Variants in PRR29 observed in about 807,000 individuals in gnomAD.
PRR29 encodes proline rich 29, also known as proline-rich protein 29.
A neutral mutation model predicts 25.1 loss-of-function variants in PRR29; 20 were observed. The observed-to-expected ratio is 0.80, with a 90% confidence interval of 0.56 to 1.16. The LOEUF is 1.16. PRR29 is among the 50% of genes most tolerant of loss of function. The pLI is 0.00. For missense variants in PRR29, 238 were observed against 246.6 expected, an observed-to-expected ratio of 0.97 and a Z score of 0.23; for synonymous variants, 108 against 102.6, an observed-to-expected ratio of 1.05 and a Z score of -0.32.
chr17:64,000,625 C>A (rs973627721), intron 3 of PRR29, among the ~76,000 whole-genome samples: 2 of 150,766 alleles, frequency 1.3e-5, no homozygotes, highest in Non-Finnish European at 3.0e-5. Flanking sequence ...CACCGCGCCC[C>A]GCCTACACAA....
intron 3 of PRR29, 135 bp downstream of exon 3, chr17:63,999,209 T>C (rs1910388996): frequency 1.4e-6 from 1 of 697,428 alleles, no homozygotes; most frequent in Non-Finnish European, 2.4e-6. Context: ...TGGCTGGGGC[T>C]GTTTGGCATC....
rs137961364 is a variant in PRR29, at chr17:64,003,786, C to G, written c.*2025C>G. ...TGCTGTTGAATGTGGCTGTGGCCTC[C>G]TGCGGAGCAGGGGCTGCCTTCCCGA... On this transcript the variant is annotated 3_prime_UTR_variant, in exon 6 of 6. Coordinates refer to ENST00000412177, the MANE Select transcript of PRR29 (RefSeq NM_001164257.2). The G allele has an allele frequency of 1.2e-5, 19 of 1,614,136 alleles. No homozygotes were observed. The African/African-American group carries it at 2.5e-4, about 22-fold the overall frequency.
Position 63,998,631 on chromosome 17 carries a change from C to CG in PRR29, c.61-69dup, listed in dbSNP as rs200234270. 228 of 1,009,750 alleles carry CG rather than the reference C, an allele frequency of 2.3e-4. 1 individual carries two copies. In the East Asian group the frequency reaches 2.6e-3, roughly 12 times the overall value. The allele number at this position is 1,009,750 out of a possible 1,614,324, so 62.5% of individuals were successfully genotyped here. On this transcript the variant is annotated intron_variant, in intron 1 of 5. Transcript: ENST00000412177. Reference sequence around the variant, plus strand: ...CTGCGGGGTTAGGGAGGCCACTGGCCGGGGGGGTTGGGGCTCGCGACGTGT... The same window carrying CG: ...CTGCGGGGTTAGGGAGGCCACTGGCCGGGGGGGGTTGGGGCTCGCGACGTGT...
At position 63,998,396 on chromosome 17, in the gene PRR29, G is replaced by A; in HGVS notation, c.32G>A (p.Arg11His). The change falls in exon 1 of 6, where the codon CGC becomes CAC. Residue 11 changes from arginine (R) to histidine (H), a missense_variant. Arg to His is a conservative substitution (Grantham distance 29). Transcript: ENST00000412177. ...TCTGGGGCGGGCGGAAGCTGGGGTCGCTCCCCACCGCAGAGCGCAGTCCCG... is the reference window on the plus strand; with the variant it reads ...TCTGGGGCGGGCGGAAGCTGGGGTCACTCCCCACCGCAGAGCGCAGTCCCG... MASGAGGSWG[R>H]SPPQSAVPTP... 1 of 1,515,880 alleles carries A rather than the reference G, an allele frequency of 6.6e-7. No individual in the cohort carries two copies. The highest frequency in any genetic ancestry group is 1.4e-5 in the African/African-American group (1 of 72,504). The allele number at this position is 1,515,880 out of a possible 1,614,324, so 93.9% of individuals were successfully genotyped here. A position where few individuals can be genotyped will look rare whatever the true frequency, so the allele number is the denominator to read the frequency against.
At chr17:63,999,315 G>A in intron 3 of PRR29, 1 of 568,794 alleles carries the variant, frequency 1.8e-6, no homozygotes, top group Non-Finnish European at 3.1e-6. Flanking sequence ...TTTCCCTGTA[G>A]TGCCTCCCCC....
chr17:63,999,865 C>A (rs1013838049), intron 3 of PRR29: 10 of 140,498 alleles, frequency 7.1e-5, no homozygotes, highest in African/African-American at 2.5e-4. Context: ...CAAGTGTGTG[C>A]GTGCAAGCAA....
chr17:64,001,141 C>G lies in PRR29; in HGVS notation c.301C>G (p.Arg101Gly), dbSNP rs568488903. The part of the protein sequence containing the change: ...PEEEEEEMDV[R>G]EKGPLVFHHH... ...GGAGGAGGAGGAGGAGATGGACGTG[C>G]GGGAGAAAGGGCCTTTGGTGTTTCA... Residue 101 changes from arginine to glycine, a missense_variant, in exon 4 of 6, where the codon CGG (arginine) becomes GGG (glycine). By Grantham distance (125) the Arg-to-Gly change is moderately radical (BLOSUM62 -2). Transcript: ENST00000412177. The G allele has an allele frequency of 3.3e-6, 5 of 1,537,486 alleles. No homozygotes were observed. The highest frequency in any genetic ancestry group is 4.4e-6 in the Non-Finnish European group (5 of 1,146,984).
At position 64,003,659 on chromosome 17, in the gene PRR29, T is replaced by A. The variant is rs1276242431; in HGVS notation, c.*1898T>A. 10 of 1,613,426 alleles carry A rather than the reference T, an allele frequency of 6.2e-6. No individual in the cohort carries two copies. The highest frequency in any genetic ancestry group is 1.3e-5 in the African/African-American group (1 of 74,912). The stretch of plus-strand genomic sequence containing the variant: ...CCCCCCTCACCATAGATCTCCAACA[T>A]CTTCGGGGCTGAGTGTTTGTGAAAG... On this transcript the variant is annotated 3_prime_UTR_variant, in exon 6 of 6. Coordinates refer to ENST00000412177, the MANE Select transcript of PRR29 (RefSeq NM_001164257.2).
chr17:64,000,193 C>T (rs1184892906), intron 3 of PRR29, among the ~76,000 whole-genome samples: 1 of 152,208 alleles, frequency 6.6e-6, no homozygotes, highest in Non-Finnish European at 1.5e-5. Context: ...GGCCCCAGCT[C>T]TGGGGGTCAC....
In PRR29 at chr17:63,998,967, G is replaced by C; in HGVS notation, c.137-1G>C. 1 of 1,536,276 alleles carries C rather than the reference G, an allele frequency of 6.5e-7. No homozygotes were observed. ...TGGGCTTGCTGAACCCCGCTTCCTA[G>C]ACCTGCTGGAACTGATGATGCTGCA... On this transcript the variant is annotated splice_acceptor_variant, in intron 2 of 5. Transcript: ENST00000412177. LOFTEE classifies it high-confidence loss of function.
At position 64,001,812 on chromosome 17, in the gene PRR29, C is replaced by G; in HGVS notation, c.*51C>G. 1 of 1,537,124 alleles carries G rather than the reference C, an allele frequency of 6.5e-7. No homozygotes were observed. Among genetic ancestry groups the G allele is most frequent in the East Asian group, 2.4e-5 (1 of 40,902 alleles). ...CACCAGCTTCCTGCTCTGGATACAG[C>G]CCCGGAGCCGCCTCCTGCACCTCTC... On this transcript the variant is annotated 3_prime_UTR_variant, in exon 6 of 6. Transcript: ENST00000412177.
At position 64,002,072 on chromosome 17, in the gene PRR29, GC is replaced by G; in HGVS notation, c.*316del. The G allele has an allele frequency of 7.4e-7, 1 of 1,349,902 alleles. No homozygotes were observed. Among genetic ancestry groups the G allele is most frequent in the Non-Finnish European group, 1.0e-6 (1 of 996,118 alleles). 83.6% of individuals were successfully genotyped at this position (1,349,902 alleles called of 1,614,324 possible). A position where few individuals can be genotyped will look rare whatever the true frequency, so the allele number is the denominator to read the frequency against. ...GAGCAGGGGGAGGCCTGGGAACAGA[GC>G]CCCCACCCTCTCTCCCTCACCCCTC... is the stretch of plus-strand genomic sequence containing the variant. On this transcript the variant is annotated 3_prime_UTR_variant, in exon 6 of 6. Coordinates refer to ENST00000412177, the MANE Select transcript of PRR29 (RefSeq NM_001164257.2).
Position 64,003,777 on chromosome 17 carries a change from T to C in PRR29, c.*2016T>C, listed in dbSNP as rs554416826. 7.4e-6 allele frequency: 12 copies of C among 1,614,244 alleles called. No individual in the cohort carries two copies. In the South Asian group the frequency reaches 9.9e-5, roughly 13 times the overall value. On this transcript the variant is annotated 3_prime_UTR_variant, in exon 6 of 6. Coordinates refer to ENST00000412177, the MANE Select transcript of PRR29 (RefSeq NM_001164257.2). ...TGTCAGCCGTGCTGTTGAATGTGGCTGTGGCCTCCTGCGGAGCAGGGGCTG... is the reference window on the plus strand; with the variant it reads ...TGTCAGCCGTGCTGTTGAATGTGGCCGTGGCCTCCTGCGGAGCAGGGGCTG...
In PRR29 at chr17:64,001,740, T is replaced by C; in HGVS notation, c.549T>C (p.Tyr183=). ...AGGTTCTTGTTTCCCCAGACTACTA[T>C]GATGCCGAGAGCCTCCTATGAGGAC... ...GADVPPASDY[Y]DAESLL Residue 183 remains tyrosine, a synonymous_variant, in exon 6 of 6, where the codon TAT becomes TAC. Transcript: ENST00000412177. 1 of 1,537,030 alleles carries C rather than the reference T, an allele frequency of 6.5e-7. No individual in the cohort carries two copies. The highest frequency in any genetic ancestry group is 8.7e-7 in the Non-Finnish European group (1 of 1,146,824).
intron 1 of PRR29, 49 bp from the exon 2 acceptor site, chr17:63,998,658 C>A (rs748486951): frequency 1.2e-5 from 13 of 1,098,930 alleles, no homozygotes; most frequent in Non-Finnish European, 1.3e-6. Context: ...GCGACGTGTC[C>A]CCATCCATTC....
intron 2 of PRR29, 33 bp from the exon 3 acceptor site, chr17:63,998,935 C>G (rs1910350333): frequency 6.5e-7 from 1 of 1,528,670 alleles, no homozygotes; most frequent in African/African-American, 1.4e-5. Flanking sequence ...GACTCGGAGG[C>G]CCGGCGTGGG....
chr17:64,001,512 G>C lies in PRR29; in HGVS notation c.516G>C (p.Val172=). 1 of 1,516,442 alleles carries C rather than the reference G, an allele frequency of 6.6e-7. No individual in the cohort carries two copies. The highest frequency in any genetic ancestry group is 8.8e-7 in the Non-Finnish European group (1 of 1,137,892). 93.9% of individuals were successfully genotyped at this position (1,516,442 alleles called of 1,614,324 possible). A position where few individuals can be genotyped will look rare whatever the true frequency, so the allele number is the denominator to read the frequency against. The change falls in exon 5 of 6, where the codon GTG becomes GTC. Residue 172 remains valine, a synonymous_variant. Coordinates refer to ENST00000412177, the MANE Select transcript of PRR29 (RefSeq NM_001164257.2). ...PPPPPSATGT[V]GADVPPASDY... ...CACCCCCCAGTGCCACAGGGACTGT[G>C]GGTGCTGATGTACCCCCGGCTTCAG...
Position 63,998,689 on chromosome 17 carries a change from C to T in PRR29, c.61-18C>T, listed in dbSNP as rs1210203325. On this transcript the variant is annotated intron_variant, in intron 1 of 5. Coordinates refer to ENST00000412177, the MANE Select transcript of PRR29 (RefSeq NM_001164257.2). The stretch of plus-strand genomic sequence containing the variant: ...CATTCCCCCCACCCCACCTGGCTGA[C>T]TCCGCGCACACCCCCAGCCCTGGGT... 4 of 1,487,934 alleles carry T rather than the reference C, an allele frequency of 2.7e-6. No homozygotes were observed. The highest frequency in any genetic ancestry group is 2.7e-6 in the Non-Finnish European group (3 of 1,108,576). 92.2% of individuals were successfully genotyped at this position (1,487,934 alleles called of 1,614,324 possible). A position where few individuals can be genotyped will look rare whatever the true frequency, so the allele number is the denominator to read the frequency against.
At position 64,001,225 on chromosome 17, in the gene PRR29, C is replaced by A; in HGVS notation, c.385C>A (p.Pro129Thr). Residue 129 changes from proline to threonine, a missense_variant, in exon 4 of 6, where the codon CCC (proline) becomes ACC (threonine). By Grantham distance (38) the Pro-to-Thr change is conservative. Coordinates refer to ENST00000412177, the MANE Select transcript of PRR29 (RefSeq NM_001164257.2). ...SPGALLPWPAPFFPTPACQPY... is the reference protein window; with the variant it reads ...SPGALLPWPATFFPTPACQPY... ...GGGTGCCCTGCTGCCCTGGCCAGCC[C>A]CCTTCTTCCCCACCCCTGCTTGTCA... 1 of 1,537,382 alleles carries A rather than the reference C, an allele frequency of 6.5e-7. No homozygotes were observed. Among genetic ancestry groups the A allele is most frequent in the Non-Finnish European group, 8.7e-7 (1 of 1,146,938 alleles).
Sources: allele counts gnomAD v4.1 joint callset (sites outside exome capture counted in the v4.1 genomes callset), GRCh38; gene constraint gnomAD v4.1.1; transcripts MANE v1.5; gene names NCBI Gene and HGNC (gene_info 2026-07-23, HGNC 2026-07-21).